ARL6: variants seen among roughly 807,000 people sequenced by gnomAD.
ARL6 encodes the protein ADP-ribosylation factor-like protein 6.
Under a neutral mutation model 27.1 loss-of-function variants are expected in ARL6, and 18 were observed. The ratio of observed to expected loss-of-function variants is 0.66; its 90% CI spans 0.46 to 0.98. ARL6 has a LOEUF of 0.98. Ranked by LOEUF, ARL6 falls within the 50% of genes least tolerant of loss-of-function variation. ARL6 has a pLI of 0.00. For missense variants in ARL6, 187 were observed against 214.9 expected, an observed-to-expected ratio of 0.87 and a Z score of 0.81; for synonymous variants, 65 against 72.3, an observed-to-expected ratio of 0.90 and a Z score of 0.51.
chr3:97,782,098 A>T (rs2037227233), intron 4 of ARL6, among the ~76,000 whole-genome samples: 1 of 152,006 alleles, frequency 6.6e-6, no homozygotes, highest in Non-Finnish European at 1.5e-5. Context: ...TTGGAAAAGG[A>T]AAAGTGGCAT....
At chr3:97,781,980 T>A (rs1368652475) in intron 4 of ARL6, among the ~76,000 whole-genome samples, 1 of 151,530 alleles carries the variant, frequency 6.6e-6, no homozygotes, top group East Asian at 1.9e-4. Context: ...TTTATTCAAA[T>A]TTTTTTTTCA....
intron 7 of ARL6, among the ~76,000 whole-genome samples, chr3:97,796,700 G>C (rs2038021246): frequency 6.6e-6 from 1 of 152,144 alleles, no homozygotes; most frequent in Middle Eastern, 3.4e-3. Flanking sequence ...GATTCTGCAA[G>C]CTTCCTGAGA....
At chr3:97,771,748 A>T (rs992984857) in intron 2 of ARL6, among the ~76,000 whole-genome samples, 2 of 152,058 alleles carry the variant, frequency 1.3e-5, no homozygotes, top group East Asian at 3.8e-4. Context: ...TCATAAAGAG[A>T]TGTTGAATTT....
intron 2 of ARL6, among the ~76,000 whole-genome samples, chr3:97,769,821 T>C (rs559028508): frequency 7.2e-4 from 109 of 152,162 alleles, no homozygotes; most frequent in Non-Finnish European, 1.2e-3. Context: ...TTCACTTAAC[T>C]TAATGACCTT....
chr3:97,769,237 C>G (rs917725775), intron 2 of ARL6, among the ~76,000 whole-genome samples: 3 of 151,930 alleles, frequency 2.0e-5, no homozygotes, highest in Non-Finnish European at 4.4e-5. Flanking sequence ...TGTTAATGTA[C>G]TGAGGTTGCT....
intron 7 of ARL6, among the ~76,000 whole-genome samples, chr3:97,792,769 A>G (rs1033341482): frequency 6.6e-6 from 1 of 152,184 alleles, no homozygotes; most frequent in African/African-American, 2.4e-5. Flanking sequence ...AATGAAACCA[A>G]GCTCATAGGT....
intron 1 of ARL6, among the ~76,000 whole-genome samples, chr3:97,766,475 G>A (rs543075824): frequency 6.6e-6 from 1 of 152,286 alleles, no homozygotes; most frequent in Admixed American, 6.5e-5. Flanking sequence ...TCATCCTTGG[G>A]GAAAGACAAA....
intron 2 of ARL6, among the ~76,000 whole-genome samples, chr3:97,771,450 C>T (rs1200934709): frequency 6.6e-6 from 1 of 152,026 alleles, no homozygotes; most frequent in Non-Finnish European, 1.5e-5. Context: ...AAGAACATGT[C>T]ATCTGCAAAC....
intron 2 of ARL6, among the ~76,000 whole-genome samples, chr3:97,774,099 A>G (rs1184434256): frequency 1.3e-5 from 2 of 152,124 alleles, no homozygotes; most frequent in African/African-American, 4.8e-5. Flanking sequence ...TGATAGTCTG[A>G]TTTCATCTTG....
intron 1 of ARL6, among the ~76,000 whole-genome samples, chr3:97,766,930 T>A (rs993044871): frequency 4.6e-5 from 7 of 152,034 alleles, no homozygotes; most frequent in Admixed American, 1.3e-4. Flanking sequence ...TACCACAAAG[T>A]AATGGTTTGG....
intron 1 of ARL6, among the ~76,000 whole-genome samples, chr3:97,767,306 A>G (rs1422607670): frequency 6.6e-6 from 1 of 152,144 alleles, no homozygotes; most frequent in Admixed American, 6.5e-5. Context: ...TTAAAATAGC[A>G]CTTAGGAGGA....
chr3:97,794,094 A>G (rs528217223), intron 7 of ARL6, among the ~76,000 whole-genome samples: 1 of 152,266 alleles, frequency 6.6e-6, no homozygotes, highest in African/African-American at 2.4e-5. Context: ...CTCTATTTAA[A>G]AAAGGTGGAA....
At chr3:97,773,860 C>T (rs1424223421) in intron 2 of ARL6, among the ~76,000 whole-genome samples, 1 of 152,166 alleles carries the variant, frequency 6.6e-6, no homozygotes, top group African/African-American at 2.4e-5. Context: ...TTCCCTTTGC[C>T]TTCAGCAGGC....
At position 97,788,125 on chromosome 3, in the gene ARL6, G is replaced by A. The variant is rs1308020670; in HGVS notation, c.479+6G>A. On this transcript the variant is annotated splice_donor_region_variant and intron_variant, in intron 6 of 7. Coordinates refer to ENST00000463745, the MANE Select transcript of ARL6 (RefSeq NM_001278293.3). The stretch of plus-strand genomic sequence containing the variant: ...GATAAACCCTGGCATATTTGGTAAA[G>A]TTTTATATTTACTTTTCACTGTAGC... 1.9e-6 allele frequency: 3 copies of A among 1,611,988 alleles called. No individual in the cohort carries two copies. Among genetic ancestry groups the A allele is most frequent in the Non-Finnish European group, 2.5e-6 (3 of 1,179,252 alleles).
At chr3:97,776,108 C>T (rs898546770) in intron 2 of ARL6, among the ~76,000 whole-genome samples, 14 of 152,186 alleles carry the variant, frequency 9.2e-5, no homozygotes, top group East Asian at 3.8e-4. Flanking sequence ...TTAATATATA[C>T]GGTGTTCCCA....
chr3:97,787,868 C>G (rs1576465077), intron 5 of ARL6, 122 bp from the exon 6 acceptor site: 5 of 959,442 alleles, frequency 5.2e-6, no homozygotes, highest in East Asian at 5.2e-5. Flanking sequence ...TTAAATGTTT[C>G]TGTGTGTGTG....
chr3:97,786,018 C>A (rs1027925112), intron 5 of ARL6, among the ~76,000 whole-genome samples: 2 of 152,072 alleles, frequency 1.3e-5, no homozygotes, highest in Admixed American at 1.3e-4. Flanking sequence ...AAATTATCCG[C>A]CCTGTACATT....
chr3:97,769,987 A>G (rs1384809423), intron 2 of ARL6, among the ~76,000 whole-genome samples: 2 of 152,136 alleles, frequency 1.3e-5, no homozygotes, highest in Non-Finnish European at 1.5e-5. Flanking sequence ...TAGTGGTGCT[A>G]TAAACTTGGG....
intron 2 of ARL6, among the ~76,000 whole-genome samples, chr3:97,770,030 A>C (rs1224026399): frequency 6.6e-6 from 1 of 151,886 alleles, no homozygotes; most frequent in Non-Finnish European, 1.5e-5. Flanking sequence ...ATTGATTTCC[A>C]TTTTTTTGGA....
Sources: gnomAD v4.1 joint callset for allele counts (sites outside exome capture counted in the v4.1 genomes callset) on GRCh38, gnomAD v4.1.1 for gene constraint, MANE v1.5 for transcripts, NCBI Gene and HGNC (gene_info 2026-07-23, HGNC 2026-07-21) for gene names.